Variants in PCDHA5 observed in about 807,000 individuals in gnomAD.
PCDHA5 encodes the protein protocadherin alpha-5.
A neutral mutation model predicts 61.6 loss-of-function variants in PCDHA5; 43 were observed. That is an observed-to-expected ratio of 0.70 (90% confidence interval 0.55 to 0.90). The LOEUF (loss-of-function observed/expected upper bound fraction) is 0.90, where lower values mean the gene tolerates loss of function less well. Ranked by LOEUF, PCDHA5 falls within the 40% of genes least tolerant of loss-of-function variation. The pLI, the probability that PCDHA5 is intolerant of heterozygous loss-of-function variation, is 0.00. For missense variants in PCDHA5, 1,298 were observed against 1,222.7 expected (o/e 1.06, Z -0.92); for synonymous variants, 627 against 543.9 (o/e 1.15, Z -2.13).
intron 1 of PCDHA5, chr5:140,875,266 A>G (rs1262893019): frequency 8.3e-7 from 1 of 1,202,212 alleles, no homozygotes. Flanking sequence ...ATGTCGCTCT[A>G]CACTCAGAAG....
At chr5:140,988,942 G>C (rs1236805502) in intron 3 of PCDHA5, 1 of 152,180 alleles carries the variant, frequency 6.6e-6, no homozygotes, top group East Asian at 1.9e-4. Context: ...CTCTTAGGCT[G>C]CAGTTTCCTT....
intron 1 of PCDHA5, chr5:140,851,016 A>T: frequency 7.0e-7 from 1 of 1,434,004 alleles, no homozygotes; most frequent in East Asian, 2.4e-5. Flanking sequence ...TTTTTTTCTG[A>T]TAAAGTAAAC....
At chr5:140,960,299 A>G (rs246005) in intron 1 of PCDHA5, among the ~76,000 whole-genome samples, 1 of 151,808 alleles carries the variant, frequency 6.6e-6, no homozygotes. Flanking sequence ...TTTCTTCATC[A>G]ATACCAACCT....
intron 1 of PCDHA5, chr5:140,883,535 C>A: frequency 6.2e-7 from 1 of 1,614,248 alleles, no homozygotes; most frequent in South Asian, 1.1e-5. Flanking sequence ...AGCCTATGAA[C>A]TGGTGGTGAC....
chr5:140,916,840 C>G (rs1350788875), intron 1 of PCDHA5, among the ~76,000 whole-genome samples: 1 of 152,128 alleles, frequency 6.6e-6, no homozygotes, highest in African/African-American at 2.4e-5. Context: ...TGGTTCTGAG[C>G]CCAGCCCAGC....
At chr5:140,906,253 A>C (rs1049653184) in intron 1 of PCDHA5, among the ~76,000 whole-genome samples, 5 of 152,064 alleles carry the variant, frequency 3.3e-5, no homozygotes, top group South Asian at 2.1e-4. Flanking sequence ...ACCCATACAC[A>C]CCTCCTGAAA....
intron 1 of PCDHA5, among the ~76,000 whole-genome samples, chr5:140,950,183 GA>G (rs879992336): frequency 5.9e-5 from 9 of 151,666 alleles, no homozygotes; most frequent in African/African-American, 1.7e-4. Context: ...AATTAAGAAG[GA>G]AAAAAATAGT....
At chr5:140,846,342 C>CTTTCTCT (rs1780336698) in intron 1 of PCDHA5, among the ~76,000 whole-genome samples, 1 of 138,926 alleles carries the variant, frequency 7.2e-6, no homozygotes, top group Non-Finnish European at 1.6e-5. Flanking sequence ...TTTTAAAGTG[C>CTTTCTCT]TTTCTCTTTT....
chr5:140,980,313 C>G (rs904282752), intron 2 of PCDHA5, among the ~76,000 whole-genome samples: 7 of 152,166 alleles, frequency 4.6e-5, no homozygotes, highest in Admixed American at 3.9e-4. Context: ...GCCTTAAAAA[C>G]TACATTTGAA....
At position 140,824,109 on chromosome 5, in the gene PCDHA5, T is replaced by A; in HGVS notation, c.2334T>A (p.Gly778=). Reference sequence around the variant, plus strand: ...CCTTCAGTCCAAGCCTTCCTCAGGGTCCCACCTCTACAGACAACGTGAGTT... The same window carrying A: ...CCTTCAGTCCAAGCCTTCCTCAGGGACCCACCTCTACAGACAACGTGAGTT... ...LMAFSPSLPQ[G]PTSTDNPRQP... is the part of the protein sequence containing the mutation. The change falls in exon 1 of 4, where the codon GGT becomes GGA. Residue 778 remains glycine, a synonymous_variant. Transcript: ENST00000529859. 1 of 1,614,074 alleles carries A rather than the reference T, an allele frequency of 6.2e-7. No homozygotes were observed. Among genetic ancestry groups the A allele is most frequent in the South Asian group, 1.1e-5 (1 of 91,082 alleles).
chr5:140,997,958 G>A (rs890356748), intron 3 of PCDHA5, among the ~76,000 whole-genome samples: 3 of 152,126 alleles, frequency 2.0e-5, no homozygotes, highest in Non-Finnish European at 2.9e-5. Context: ...TGGCATTCAC[G>A]TACCTGTGGT....
intron 1 of PCDHA5, chr5:140,863,439 T>C (rs781855193): frequency 3.3e-6 from 2 of 606,238 alleles, no homozygotes; most frequent in East Asian, 4.7e-5. Context: ...GATCTGGTCT[T>C]ACTCGCAGCA....
intron 1 of PCDHA5, chr5:140,828,662 C>G: frequency 3.7e-6 from 6 of 1,614,124 alleles, no homozygotes; most frequent in Non-Finnish European, 5.1e-6. Context: ...TGACAATAAA[C>G]AAATTGGGCT....
intron 3 of PCDHA5, among the ~76,000 whole-genome samples, chr5:141,005,701 CAAAAAAAAAAAAAAAAA>C (rs59860837): frequency 2.6e-4 from 2 of 7,786 alleles, no homozygotes; most frequent in East Asian, 6.3e-3. Flanking sequence ...AACTCCGTCT[CAAAAAAAAAAAAAAAAA>C]AAAAAAAAAA....
In PCDHA5 at chr5:140,929,414, A is replaced by G. The variant is rs1174756115; in HGVS notation, c.2353-49535A>G. The G allele has an allele frequency of 6.6e-6, 10 of 1,504,304 alleles. No individual in the cohort carries two copies. The East Asian group carries it at 1.1e-4, about 17-fold the overall frequency. 93.2% of individuals were successfully genotyped at this position (1,504,304 alleles called of 1,614,324 possible). A position where few individuals can be genotyped will look rare whatever the true frequency, so the allele number is the denominator to read the frequency against. On this transcript the variant is annotated intron_variant, in intron 1 of 3. Transcript: ENST00000529859. ...ATATTTCTTAGACAAGCCTTTCACA[A>G]CATTTCATCAATTGAACTAAACACT...
intron 1 of PCDHA5, among the ~76,000 whole-genome samples, chr5:140,960,254 C>T (rs2095534958): frequency 6.6e-6 from 1 of 152,138 alleles, no homozygotes; most frequent in South Asian, 2.1e-4. Flanking sequence ...CTTCCTGGAG[C>T]TTCTGATAAA....
chr5:140,952,822 G>A (rs1364476088), intron 1 of PCDHA5, among the ~76,000 whole-genome samples: 3 of 152,184 alleles, frequency 2.0e-5, no homozygotes, highest in Non-Finnish European at 4.4e-5. Context: ...TGTACAGGAA[G>A]CATGATGCTG....
intron 1 of PCDHA5, among the ~76,000 whole-genome samples, chr5:140,956,484 A>G (rs868955895): frequency 1.3e-5 from 2 of 152,226 alleles, no homozygotes; most frequent in South Asian, 2.1e-4. Flanking sequence ...CCAGTCTTGC[A>G]TCCCAGGGAT....
At position 140,883,117 on chromosome 5, in the gene PCDHA5, G is replaced by T. The variant is rs782191143; in HGVS notation, c.2352+58990G>T. Reference sequence around the variant, plus strand: ...GAGATATAGTTTACTCATTTAGAAGGCCTGTATGGCCTGCAGTGGTATATG... The same window carrying T: ...GAGATATAGTTTACTCATTTAGAAGTCCTGTATGGCCTGCAGTGGTATATG... On this transcript the variant is annotated intron_variant, in intron 1 of 3. Transcript: ENST00000529859. 2.5e-6 allele frequency: 4 copies of T among 1,613,898 alleles called. No homozygotes were observed. Among genetic ancestry groups the T allele is most frequent in the Admixed American group, 3.3e-5 (2 of 59,964 alleles).
Sources: gnomAD v4.1 joint callset for allele counts (sites outside exome capture counted in the v4.1 genomes callset) on GRCh38, gnomAD v4.1.1 for gene constraint, MANE v1.5 for transcripts, NCBI Gene and HGNC (gene_info 2026-07-23, HGNC 2026-07-21) for gene names.